Variants in PTPA observed in about 807,000 individuals in gnomAD.
PTPA encodes the protein serine/threonine-protein phosphatase 2A activator.
PTPA carries 13 observed loss-of-function variants against 43.6 expected under a neutral mutation model. The ratio of observed to expected loss-of-function variants is 0.30; its 90% CI spans 0.19 to 0.47. The LOEUF is 0.47. PTPA is among the 20% of genes least tolerant of loss of function. The probability of loss-of-function intolerance (pLI) is 0.99; values close to 1 mark genes in which losing one functional copy is unlikely to be tolerated. For missense variants in PTPA, 329 were observed against 411.9 expected (o/e 0.80, Z 1.74); for synonymous variants, 172 against 158.2 (o/e 1.09, Z -0.66).
Position 129,137,592 on chromosome 9 carries a change from A to G in PTPA, c.686A>G (p.Asp229Gly), listed in dbSNP as rs1377321837. The change falls in exon 8 of 10, where the codon GAC (aspartate) becomes GGC (glycine). Residue 229 changes from aspartate (D) to glycine (G), a missense_variant and splice_region_variant. Asp to Gly is a moderately conservative substitution (Grantham distance 94). Transcript: ENST00000393370. ...TGCTGGGGCCCATTCCTTTTCCCAGACCACCCATACCTGGAGCCCAGACAC... is the reference window on the plus strand; with the variant it reads ...TGCTGGGGCCCATTCCTTTTCCCAGGCCACCCATACCTGGAGCCCAGACAC... Reference protein sequence around the residue: ...PFIWGSSQLIDHPYLEPRHFV... With the variant: ...PFIWGSSQLIGHPYLEPRHFV... The G allele has an allele frequency of 6.2e-7, 1 of 1,609,584 alleles. No individual in the cohort carries two copies. Among genetic ancestry groups the G allele is most frequent in the South Asian group, 1.1e-5 (1 of 89,990 alleles).
At chr9:129,124,455 G>A (rs1367653107) in intron 3 of PTPA, among the ~76,000 whole-genome samples, 1 of 152,200 alleles carries the variant, frequency 6.6e-6, no homozygotes, top group Non-Finnish European at 1.5e-5. Flanking sequence ...GTTTCCGAAG[G>A]ATTCATTCTT....
Position 129,120,522 on chromosome 9 carries a change from A to G in PTPA, c.41A>G (p.Glu14Gly). 6.2e-7 allele frequency: 1 copy of G among 1,611,828 alleles called. No homozygotes were observed. The highest frequency in any genetic ancestry group is 8.5e-7 in the Non-Finnish European group (1 of 1,178,566). ...GERQPPPDSS[E>G]EAPPATQNFI... ...ATTTTTTTTTGTCAAGATTCTTCAGAGGAGGCCCCTCCAGCCACTCAGAAC... is the reference window on the plus strand; with the variant it reads ...ATTTTTTTTTGTCAAGATTCTTCAGGGGAGGCCCCTCCAGCCACTCAGAAC... The change falls in exon 2 of 10, where the codon GAG becomes GGG. Residue 14 changes from glutamate (E) to glycine (G), a missense_variant. Transcript: ENST00000393370.
chr9:129,129,463 T>C lies in PTPA; in HGVS notation c.342+353T>C, dbSNP rs79750036. ...AGCTATAAAAAGGAATTTTTTTTATTTTTTATTTTATCTTTTTTTTTTTTT... is the reference window on the plus strand; with the variant it reads ...AGCTATAAAAAGGAATTTTTTTTATCTTTTATTTTATCTTTTTTTTTTTTT... On this transcript the variant is annotated intron_variant, in intron 4 of 9. Transcript: ENST00000393370. 4.5e-3 allele frequency among the ~76,000 whole-genome samples: 684 copies of C among 152,066 alleles called. 1 individual carries two copies. The highest frequency in any genetic ancestry group is 8.3e-3 in the South Asian group (40 of 4,826).
Position 129,147,593 on chromosome 9 carries a change from G to A in PTPA, c.*129G>A, listed in dbSNP as rs1401177320. 1 of 1,035,208 alleles carries A rather than the reference G, an allele frequency of 9.7e-7. No individual in the cohort carries two copies. The highest frequency in any genetic ancestry group is 1.6e-5 in the African/African-American group (1 of 63,478). 64.1% of individuals were successfully genotyped at this position (1,035,208 alleles called of 1,614,324 possible). A position where few individuals can be genotyped will look rare whatever the true frequency, so the allele number is the denominator to read the frequency against. On this transcript the variant is annotated 3_prime_UTR_variant, in exon 10 of 10. Transcript: ENST00000393370. ...ATGAGAGGCTGTTTACTGGGGTGGG[G>A]TGGCGAGATGGGCTTGAGGGGGCTC...
chr9:129,131,663 G>A (rs1274288466), intron 5 of PTPA, 24 bp downstream of exon 5: 1 of 1,600,730 alleles, frequency 6.2e-7, no homozygotes, highest in Non-Finnish European at 8.6e-7. Flanking sequence ...GTGGGGCTCT[G>A]TACTTATCTA....
chr9:129,115,453 A>G (rs545038207), intron 1 of PTPA, among the ~76,000 whole-genome samples: 24 of 152,144 alleles, frequency 1.6e-4, no homozygotes, highest in Admixed American at 6.6e-4. Context: ...TCTTTTCTTC[A>G]GTTCCTCTCC....
intron 8 of PTPA, chr9:129,139,250 A>G (rs182837295): frequency 1.3e-5 from 2 of 152,340 alleles, no homozygotes; most frequent in East Asian, 3.9e-4. Context: ...TTGTTGGTAT[A>G]AACACCCCAA....
chr9:129,130,862 G>A (rs980772742), intron 4 of PTPA, among the ~76,000 whole-genome samples: 9 of 151,920 alleles, frequency 5.9e-5, no homozygotes, highest in Admixed American at 1.3e-4. Context: ...AATTGATATC[G>A]CCCAGATTAT....
intron 9 of PTPA, among the ~76,000 whole-genome samples, chr9:129,144,120 C>G (rs1414477585): frequency 1.3e-5 from 2 of 151,730 alleles, no homozygotes; most frequent in South Asian, 2.1e-4. Context: ...GGCAAGAGAC[C>G]CTGTCCCCTT....
At chr9:129,111,773 G>A (rs773547421) in intron 1 of PTPA, 142 bp downstream of exon 1, 118 of 1,227,786 alleles carry the variant, frequency 9.6e-5, no homozygotes, top group Non-Finnish European at 1.2e-4. Flanking sequence ...GGACTGAGTT[G>A]AATGGCCTTA....
chr9:129,135,846 T>G (rs192107318), intron 6 of PTPA, among the ~76,000 whole-genome samples: 1 of 152,348 alleles, frequency 6.6e-6, no homozygotes, highest in East Asian at 1.9e-4. Context: ...CTGGGACTTG[T>G]GTTAGCTTTC....
intron 1 of PTPA, among the ~76,000 whole-genome samples, chr9:129,118,034 T>C (rs1848996692): frequency 6.8e-6 from 1 of 148,142 alleles, no homozygotes; most frequent in African/African-American, 2.5e-5. Context: ...TCTTATCAAC[T>C]GATATTTGAG....
intron 9 of PTPA, among the ~76,000 whole-genome samples, chr9:129,146,278 C>T (rs762705554): frequency 1.3e-5 from 2 of 152,174 alleles, no homozygotes; most frequent in Non-Finnish European, 2.9e-5. Flanking sequence ...GGCCAGGGCT[C>T]TGCTCCCCAC....
intron 4 of PTPA, among the ~76,000 whole-genome samples, chr9:129,131,039 T>C (rs973749675): frequency 1.3e-5 from 2 of 152,274 alleles, no homozygotes; most frequent in African/African-American, 4.8e-5. Flanking sequence ...TATACCACAA[T>C]TTATTCATTT....
intron 9 of PTPA, among the ~76,000 whole-genome samples, chr9:129,145,332 A>G (rs63421361): frequency 6.8e-5 from 9 of 131,584 alleles, no homozygotes; most frequent in East Asian, 2.0e-4. Flanking sequence ...CCATCTCAGG[A>G]AAAAAAAAAA....
At chr9:129,142,913 C>T (rs1191970706) in intron 9 of PTPA, 4 of 1,472,880 alleles carry the variant, frequency 2.7e-6, no homozygotes, top group Non-Finnish European at 3.6e-6. Context: ...CTGGCTCTCC[C>T]ATGGCATACC....
intron 9 of PTPA, among the ~76,000 whole-genome samples, chr9:129,144,842 G>A (rs1588541874): frequency 6.6e-6 from 1 of 152,058 alleles, no homozygotes; most frequent in Middle Eastern, 3.4e-3. Context: ...AGACCAACCT[G>A]GGCAACATGA....
intron 8 of PTPA, 86 bp from the exon 9 acceptor site, chr9:129,142,359 T>G: frequency 8.4e-7 from 1 of 1,184,550 alleles, no homozygotes; most frequent in Non-Finnish European, 1.2e-6. Context: ...TGTGTGTGCA[T>G]GCATGGGTGT....
intron 3 of PTPA, among the ~76,000 whole-genome samples, chr9:129,126,399 C>T (rs895560672): frequency 6.6e-6 from 1 of 151,750 alleles, no homozygotes; most frequent in Non-Finnish European, 1.5e-5. Flanking sequence ...AGGCTGGTCT[C>T]GAACTCCCGA....
Sources: allele counts gnomAD v4.1 joint callset (sites outside exome capture counted in the v4.1 genomes callset), GRCh38; gene constraint gnomAD v4.1.1; transcripts MANE v1.5; gene names NCBI Gene and HGNC (gene_info 2026-07-23, HGNC 2026-07-21).